SRGAP1: variants seen among roughly 807,000 people sequenced by gnomAD.
The protein encoded by SRGAP1 is SLIT-ROBO Rho GTPase-activating protein 1.
SRGAP1 carries 43 observed loss-of-function variants against 121.9 expected under a neutral mutation model. That is an observed-to-expected ratio of 0.35 (90% CI 0.28 to 0.46). The LOEUF (loss-of-function observed/expected upper bound fraction) is 0.46. Ranked by LOEUF, SRGAP1 falls within the 20% of genes least tolerant of loss-of-function variation. SRGAP1 has a pLI of 1.00. For synonymous variants in SRGAP1, 447 were observed against 485.4 expected, an observed-to-expected ratio of 0.92 and a Z score of 1.04; for missense variants, 1,102 against 1,350.9, an observed-to-expected ratio of 0.82 and a Z score of 2.89.
chr12:63,858,569 T>G (rs909488573), intron 1 of SRGAP1, among the ~76,000 whole-genome samples: 9 of 152,198 alleles, frequency 5.9e-5, no homozygotes, highest in Admixed American at 5.2e-4. Flanking sequence ...CATTGAGAGT[T>G]CAGTAGAACT....
intron 1 of SRGAP1, among the ~76,000 whole-genome samples, chr12:63,953,947 G>A (rs1424758850): frequency 3.3e-5 from 5 of 152,180 alleles, no homozygotes; most frequent in Non-Finnish European, 7.3e-5. Flanking sequence ...AAAATAAATT[G>A]TGTATTTTTC....
chr12:64,019,247 C>T (rs1252867463), intron 4 of SRGAP1, among the ~76,000 whole-genome samples: 2 of 152,080 alleles, frequency 1.3e-5, no homozygotes, highest in Admixed American at 6.6e-5. Context: ...ATCGATTGCA[C>T]CTAGACATTT....
At chr12:63,948,782 T>C (rs546735046) in intron 1 of SRGAP1, among the ~76,000 whole-genome samples, 30 of 147,386 alleles carry the variant, frequency 2.0e-4, no homozygotes, top group Admixed American at 9.6e-4. Context: ...ATATATTCCA[T>C]ATATATGTTT....
Position 64,007,328 on chromosome 12 carries a change from G to T in SRGAP1, c.427-9622G>T, listed in dbSNP as rs138535628. On this transcript the variant is annotated intron_variant, in intron 3 of 21. Transcript: ENST00000355086. The stretch of plus-strand genomic sequence containing the variant: ...GAAACTGTTCTACCTCAGATCATCA[G>T]GCATTAGATTCTCATAAGGAGCACA... Among the ~76,000 whole-genome samples, 690 of 152,224 alleles carry T rather than the reference G, an allele frequency of 4.5e-3. 4 individuals are homozygous for T. The highest frequency in any genetic ancestry group is 0.015 in the African/African-American group (640 of 41,496).
At chr12:63,901,593 G>C (rs2029931961) in intron 1 of SRGAP1, among the ~76,000 whole-genome samples, 1 of 152,162 alleles carries the variant, frequency 6.6e-6, no homozygotes, top group Non-Finnish European at 1.5e-5. Context: ...CGTCACAACA[G>C]GTTAGCCCTT....
At chr12:63,993,650 C>T (rs1171232621) in intron 3 of SRGAP1, among the ~76,000 whole-genome samples, 1 of 152,092 alleles carries the variant, frequency 6.6e-6, no homozygotes, top group Admixed American at 6.5e-5. Context: ...GACAAAAAAT[C>T]ATTTACCCAA....
intron 1 of SRGAP1, among the ~76,000 whole-genome samples, chr12:63,976,856 G>T (rs2033108110): frequency 6.6e-6 from 1 of 151,832 alleles, no homozygotes; most frequent in African/African-American, 2.4e-5. Flanking sequence ...GGTCCTTTCT[G>T]ACCTAGTCTG....
chr12:64,049,532 T>A (rs1440689138), intron 6 of SRGAP1, among the ~76,000 whole-genome samples: 1 of 152,156 alleles, frequency 6.6e-6, no homozygotes, highest in East Asian at 1.9e-4. Flanking sequence ...AGCATGAGGG[T>A]AATTGTCCCC....
chr12:64,085,475 A>C (rs112544648), intron 10 of SRGAP1, among the ~76,000 whole-genome samples: 1 of 152,092 alleles, frequency 6.6e-6, no homozygotes, highest in East Asian at 1.9e-4. Flanking sequence ...GGGTGATCTT[A>C]CGTGGCTCGT....
chr12:63,920,806 G>C (rs999825813), intron 1 of SRGAP1, among the ~76,000 whole-genome samples: 1 of 152,172 alleles, frequency 6.6e-6, no homozygotes, highest in Non-Finnish European at 1.5e-5. Flanking sequence ...TAATATCCTG[G>C]TTTGGGAGTG....
chr12:64,090,406 G>A (rs376208498), intron 11 of SRGAP1, among the ~76,000 whole-genome samples: 1 of 152,318 alleles, frequency 6.6e-6, no homozygotes, highest in East Asian at 1.9e-4. Context: ...TAACTCATGC[G>A]AGCCTGTATG....
chr12:63,881,719 GACACCCT>G (rs1436438873), intron 1 of SRGAP1, among the ~76,000 whole-genome samples: 6 of 152,312 alleles, frequency 3.9e-5, no homozygotes, highest in Non-Finnish European at 7.3e-5. Context: ...GGGAAGAAAT[GACACCCT>G]TTAGAGTACC....
chr12:64,052,880 A>G (rs2035263749), intron 6 of SRGAP1, among the ~76,000 whole-genome samples: 1 of 152,148 alleles, frequency 6.6e-6, no homozygotes, highest in South Asian at 2.1e-4. Context: ...CATGAAGAAA[A>G]AATATTCTGG....
At chr12:64,059,149 A>G (rs1393679047) in intron 6 of SRGAP1, among the ~76,000 whole-genome samples, 1 of 152,068 alleles carries the variant, frequency 6.6e-6, no homozygotes, top group African/African-American at 2.4e-5. Flanking sequence ...CCACGATGAA[A>G]TTATCTCTTG....
chr12:63,957,556 A>G (rs1345150984), intron 1 of SRGAP1, among the ~76,000 whole-genome samples: 2 of 152,066 alleles, frequency 1.3e-5, no homozygotes. Flanking sequence ...GCTCTAGGAT[A>G]CTCTGTGTCT....
At chr12:63,943,772 G>T (rs1192948497) in intron 1 of SRGAP1, among the ~76,000 whole-genome samples, 1 of 152,140 alleles carries the variant, frequency 6.6e-6, no homozygotes, top group Admixed American at 6.5e-5. Context: ...CTGCAGTTGG[G>T]CAGAGAGATC....
At position 64,160,513 on chromosome 12, in the gene SRGAP1, C is replaced by T. The variant is rs562768334; in HGVS notation, c.*17841C>T. ...ATTTACTTGGCTTTAGTTTCCATCA[C>T]CATAGATTTCTCAATCAAAAGGCAA... is the stretch of plus-strand genomic sequence containing the variant. On this transcript the variant is annotated 3_prime_UTR_variant, in exon 22 of 22. Coordinates refer to ENST00000355086, the MANE Select transcript of SRGAP1 (RefSeq NM_020762.4). The T allele has an allele frequency of 6.6e-6, 1 of 152,224 alleles. No homozygotes were observed. Among genetic ancestry groups the T allele is most frequent in the African/African-American group, 2.4e-5 (1 of 41,530 alleles). 9.4% of individuals were successfully genotyped at this position (152,224 alleles called of 1,614,324 possible).
At chr12:64,047,401 G>A (rs1381214454) in intron 6 of SRGAP1, among the ~76,000 whole-genome samples, 1 of 152,138 alleles carries the variant, frequency 6.6e-6, no homozygotes, top group Admixed American at 6.6e-5. Flanking sequence ...ATTATGCAGA[G>A]GTATCTAGAA....
At chr12:64,119,094 G>A (rs2036566148) in intron 18 of SRGAP1, among the ~76,000 whole-genome samples, 1 of 152,144 alleles carries the variant, frequency 6.6e-6, no homozygotes, top group Admixed American at 6.5e-5. Flanking sequence ...TATGGGATGA[G>A]GTAGGGATCC....
Sources: allele counts gnomAD v4.1 joint callset (sites outside exome capture counted in the v4.1 genomes callset), GRCh38; gene constraint gnomAD v4.1.1; transcripts MANE v1.5; gene names NCBI Gene and HGNC (gene_info 2026-07-23, HGNC 2026-07-21).